ACACB: variants seen among roughly 807,000 people sequenced by gnomAD.
ACACB encodes the protein acetyl-CoA carboxylase 2.
A neutral mutation model predicts 278.8 loss-of-function variants in ACACB; 209 were observed. The observed-to-expected ratio is 0.75, with a 90% CI of 0.67 to 0.84. The LOEUF (loss-of-function observed/expected upper bound fraction) is 0.84, where lower values mean the gene tolerates loss of function less well. ACACB is among the 40% of genes least tolerant of loss of function. The pLI is 0.00. For missense variants in ACACB, 2,850 were observed against 3,269.0 expected, an observed-to-expected ratio of 0.87 and a Z score of 3.13; for synonymous variants, 1,174 against 1,285.6, an observed-to-expected ratio of 0.91 and a Z score of 1.86.
rs146426104 is a variant in ACACB at position 109,166,971 on chromosome 12, G to T, written c.764G>T (p.Gly255Val). The T allele has an allele frequency of 5.2e-4, 839 of 1,614,014 alleles. 2 individuals are homozygous for T. The highest frequency in any genetic ancestry group is 6.5e-4 in the Non-Finnish European group (770 of 1,180,006). ...CCCGCTGAGTTTGTCACACGCTTTGGGGGGGATCGGGTCATCGAGAAGGTA... is the reference window on the plus strand; with the variant it reads ...CCCGCTGAGTTTGTCACACGCTTTGTGGGGGATCGGGTCATCGAGAAGGTA... ...ASPAEFVTRF[G>V]GDRVIEKVLI... The change falls in exon 3 of 53, where the codon GGG becomes GTG. Residue 255 changes from glycine to valine, a missense_variant. Around this residue, in one of 3 missense-constraint regions of ACACB, gnomAD observed 2,265 missense variants for 2,561.3 expected, o/e 0.88. Coordinates refer to ENST00000338432, the MANE Select transcript of ACACB (RefSeq NM_001093.4).
rs778893811 is a variant in ACACB, at chr12:109,234,081, C to T, written c.4347+36C>T. The stretch of plus-strand genomic sequence containing the variant: ...CGTGCCTCTGGTTTTGGTGGGGGTT[C>T]TTGGAGAAGGAGGAGGGGCTGGGCT... On this transcript the variant is annotated intron_variant, in intron 31 of 52. Coordinates refer to ENST00000338432, the MANE Select transcript of ACACB (RefSeq NM_001093.4). The T allele has an allele frequency of 1.8e-5, 28 of 1,529,382 alleles. No homozygotes were observed. The African/African-American group carries it at 3.3e-4, about 18-fold the overall frequency. The allele number at this position is 1,529,382 out of a possible 1,614,324, so 94.7% of individuals were successfully genotyped here.
intron 4 of ACACB, among the ~76,000 whole-genome samples, chr12:109,170,777 G>C (rs1033653500): frequency 2.4e-5 from 2 of 84,906 alleles, no homozygotes; most frequent in Non-Finnish European, 4.9e-5. Flanking sequence ...TGGTTAAGAT[G>C]GTAAATTTTG....
intron 2 of ACACB, among the ~76,000 whole-genome samples, chr12:109,143,475 A>G (rs1462459868): frequency 6.6e-6 from 1 of 151,356 alleles, no homozygotes; most frequent in African/African-American, 2.4e-5. Flanking sequence ...AAAAAAAAAA[A>G]AAAAAAAAAT....
chr12:109,185,347 A>G (rs528226145), intron 11 of ACACB, among the ~76,000 whole-genome samples: 1 of 152,206 alleles, frequency 6.6e-6, no homozygotes, highest in Non-Finnish European at 1.5e-5. Flanking sequence ...TTTCATAAAT[A>G]TTTTTCCTTT....
chr12:109,212,706 G>C, intron 21 of ACACB, 130 bp from the exon 22 acceptor site: 1 of 712,938 alleles, frequency 1.4e-6, no homozygotes, highest in Non-Finnish European at 2.5e-6. Flanking sequence ...ACCTCCCACT[G>C]TTCAGCCAGT....
Position 109,185,682 on chromosome 12 carries a change from CT to C in ACACB, c.1923del (p.Leu643SerfsTer30). On this transcript the variant is annotated frameshift_variant, in exon 12 of 53. Transcript: ENST00000338432. LOFTEE classifies it high-confidence loss of function. Reference sequence around the variant, plus strand: ...ATTTCTTTTGAAACCCCCTCAAACCCTCCCCTCGCCCGAGGCCACGTCATTG... The same window carrying C: ...ATTTCTTTTGAAACCCCCTCAAACCCCCCCTCGCCCGAGGCCACGTCATTG... Reference protein sequence around the residue: ...TPISFETPSNPPLARGHVIAA... With the variant: ...TPISFETPSNXPLARGHVIAA... 6.2e-7 allele frequency: 1 copy of C among 1,613,732 alleles called. No homozygotes were observed. The highest frequency in any genetic ancestry group is 8.5e-7 in the Non-Finnish European group (1 of 1,179,820).
intron 16 of ACACB, among the ~76,000 whole-genome samples, chr12:109,194,508 GTGCA>G (rs61210805): frequency 0.015 from 1,110 of 73,978 alleles, 31 homozygotes; most frequent in African/African-American, 0.041. Flanking sequence ...GCCTCTGTGT[GTGCA>G]TGTGTGTGTG....
At chr12:109,228,428 C>T (rs2046379144) in intron 28 of ACACB, among the ~76,000 whole-genome samples, 1 of 151,620 alleles carries the variant, frequency 6.6e-6, no homozygotes, top group Non-Finnish European at 1.5e-5. Flanking sequence ...CTGAAGGGGG[C>T]AGATCAGGAA....
chr12:109,237,013 C>A, intron 33 of ACACB, 152 bp from the exon 34 acceptor site: 2 of 754,558 alleles, frequency 2.7e-6, no homozygotes, highest in Non-Finnish European at 2.3e-6. Context: ...GGGTAGCTTA[C>A]AATTAGGGAA....
chr12:109,171,938 T>C, intron 5 of ACACB, 24 bp downstream of exon 5: 1 of 1,585,280 alleles, frequency 6.3e-7, no homozygotes, highest in East Asian at 2.2e-5. Context: ...GGTGCCCAAG[T>C]GTGGCCCCTG....
At chr12:109,261,427 A>G (rs939319289) in intron 48 of ACACB, among the ~76,000 whole-genome samples, 3 of 152,134 alleles carry the variant, frequency 2.0e-5, no homozygotes, top group African/African-American at 7.2e-5. Context: ...CTCCAGGAAG[A>G]CTCAGGATAC....
intron 1 of ACACB, among the ~76,000 whole-genome samples, chr12:109,127,555 T>G (rs2042710776): frequency 6.6e-6 from 1 of 151,450 alleles, no homozygotes; most frequent in African/African-American, 2.4e-5. Context: ...GCCAAGATCA[T>G]GCCACTGCAC....
chr12:109,137,441 C>T (rs990247584), intron 1 of ACACB, among the ~76,000 whole-genome samples: 5 of 152,106 alleles, frequency 3.3e-5, no homozygotes. Context: ...GGGCGGATCA[C>T]TTGAGGTCAG....
At chr12:109,163,932 A>G (rs2043817988) in intron 2 of ACACB, among the ~76,000 whole-genome samples, 1 of 152,168 alleles carries the variant, frequency 6.6e-6, no homozygotes, top group Admixed American at 6.5e-5. Context: ...TCACAGGCGT[A>G]AGCCACCATG....
chr12:109,237,118 A>T, intron 33 of ACACB, 47 bp from the exon 34 acceptor site: 1 of 1,600,370 alleles, frequency 6.2e-7, no homozygotes, highest in Non-Finnish European at 8.6e-7. Flanking sequence ...CTCCAACGTC[A>T]CGCTGTGTGT....
At chr12:109,194,952 C>T (rs963936509) in intron 16 of ACACB, among the ~76,000 whole-genome samples, 4 of 150,806 alleles carry the variant, frequency 2.7e-5, no homozygotes, top group African/African-American at 9.8e-5. Context: ...AGATTACTGG[C>T]ATCTTCCCTG....
intron 2 of ACACB, among the ~76,000 whole-genome samples, chr12:109,143,679 C>T (rs1445415413): frequency 6.6e-6 from 1 of 152,114 alleles, no homozygotes; most frequent in Non-Finnish European, 1.5e-5. Context: ...GGAACATTCC[C>T]AGCCCCAGAA....
At chr12:109,195,655 A>T (rs779647791) in intron 16 of ACACB, among the ~76,000 whole-genome samples, 34 of 152,346 alleles carry the variant, frequency 2.2e-4, no homozygotes, top group Admixed American at 5.9e-4. Context: ...TACAAAGTTG[A>T]GATCATGGTG....
intron 2 of ACACB, among the ~76,000 whole-genome samples, chr12:109,142,514 C>T (rs920477312): frequency 5.3e-5 from 8 of 152,094 alleles, no homozygotes; most frequent in African/African-American, 1.9e-4. Context: ...CAAGGTTTTT[C>T]TGAGCTGGTA....
Sources: gnomAD v4.1 joint callset for allele counts (sites outside exome capture counted in the v4.1 genomes callset) on GRCh38, gnomAD v4.1.1 for gene constraint, gnomAD v4.1.1 regional missense constraint, MANE v1.5 for transcripts, NCBI Gene and HGNC (gene_info 2026-07-23, HGNC 2026-07-21) for gene names.